PMM2: variants seen among roughly 807,000 people sequenced by gnomAD.
The protein encoded by PMM2 is mannose-6-phosphate isomerase.
PMM2 carries 35 observed loss-of-function variants against 33.2 expected under a neutral mutation model. The ratio of observed to expected loss-of-function variants is 1.06; its 90% CI spans 0.81 to 1.40. PMM2 has a LOEUF of 1.40. PMM2 is among the 40% of genes most tolerant of loss of function. The pLI is 0.00. For synonymous variants in PMM2, 153 were observed against 114.7 expected, an observed-to-expected ratio of 1.33 and a Z score of -2.13; for missense variants, 386 against 306.0, an observed-to-expected ratio of 1.26 and a Z score of -1.95.
intron 7 of PMM2, among the ~76,000 whole-genome samples, chr16:8,836,774 G>GT (rs1416426172): frequency 1.3e-5 from 2 of 152,034 alleles, no homozygotes; most frequent in African/African-American, 4.8e-5. Flanking sequence ...GCTGTAAAGC[G>GT]TGTCAGGGTT....
intron 7 of PMM2, among the ~76,000 whole-genome samples, chr16:8,839,312 G>A (rs920624002): frequency 6.6e-6 from 1 of 151,972 alleles, no homozygotes; most frequent in African/African-American, 2.4e-5. Context: ...GAGACCTTGT[G>A]CGAGGCAAAA....
At position 8,848,072 on chromosome 16, in the gene PMM2, AGCCCC is replaced by A; in HGVS notation, c.*248_*252del. ...CAAAAGGTCTTCCCCACCCACCCCC[AGCCCC>A]CTAGTCTAATACCCACCCTGATACG... On this transcript the variant is annotated 3_prime_UTR_variant, in exon 8 of 8. Coordinates refer to ENST00000268261, the MANE Select transcript of PMM2 (RefSeq NM_000303.3). 2.2e-6 allele frequency: 1 copy of A among 451,176 alleles called. No individual in the cohort carries two copies. The highest frequency in any genetic ancestry group is 3.9e-6 in the Non-Finnish European group (1 of 259,372). 27.9% of individuals were successfully genotyped at this position (451,176 alleles called of 1,614,324 possible). A position where few individuals can be genotyped will look rare whatever the true frequency, so the allele number is the denominator to read the frequency against.
At chr16:8,800,675 T>TG (rs202006606) in intron 1 of PMM2, among the ~76,000 whole-genome samples, 3,228 of 151,394 alleles carry the variant, frequency 0.021, 108 homozygotes, top group African/African-American at 0.073. Flanking sequence ...CTTTTTTTTT[T>TG]TTTTTTGTTT....
intron 7 of PMM2, among the ~76,000 whole-genome samples, chr16:8,834,863 T>G (rs551636943): frequency 1.3e-5 from 2 of 151,860 alleles, no homozygotes; most frequent in South Asian, 2.1e-4. Flanking sequence ...ATCAGAGAGA[T>G]ACAGTCATGG....
chr16:8,818,470 T>A (rs1447654843), intron 7 of PMM2, among the ~76,000 whole-genome samples: 3 of 152,254 alleles, frequency 2.0e-5, no homozygotes, highest in African/African-American at 7.2e-5. Flanking sequence ...ATACTAGCCT[T>A]ACACTTTGCA....
At chr16:8,805,670 G>A (rs1162296172) in intron 3 of PMM2, among the ~76,000 whole-genome samples, 1 of 150,920 alleles carries the variant, frequency 6.6e-6, no homozygotes, top group East Asian at 1.9e-4. Flanking sequence ...CTGGCTCACT[G>A]TAACCTCTGC....
At chr16:8,821,155 C>T (rs2060737296) in intron 7 of PMM2, among the ~76,000 whole-genome samples, 1 of 152,184 alleles carries the variant, frequency 6.6e-6, no homozygotes, top group Non-Finnish European at 1.5e-5. Context: ...TGGTGGCAGA[C>T]TTAGCTTCTT....
intron 7 of PMM2, among the ~76,000 whole-genome samples, chr16:8,846,163 A>T (rs2060924512): frequency 6.6e-6 from 1 of 152,246 alleles, no homozygotes; most frequent in Non-Finnish European, 1.5e-5. Context: ...GGGCCCAGCG[A>T]CGTTCCCTCC....
chr16:8,842,366 A>G (rs2060896176), intron 7 of PMM2: 1 of 152,250 alleles, frequency 6.6e-6, no homozygotes, highest in South Asian at 2.1e-4. Flanking sequence ...AAGGTCATCA[A>G]TATATTAAAT....
chr16:8,837,071 G>T (rs1218329311), intron 7 of PMM2, among the ~76,000 whole-genome samples: 1 of 152,030 alleles, frequency 6.6e-6, no homozygotes, highest in African/African-American at 2.4e-5. Flanking sequence ...AGGAGGAGAG[G>T]TCAGATGGGT....
intron 4 of PMM2, among the ~76,000 whole-genome samples, chr16:8,807,399 C>T (rs981673791): frequency 1.2e-4 from 18 of 152,172 alleles, no homozygotes; most frequent in Admixed American, 1.3e-4. Context: ...CGGCAGGTGC[C>T]ACCTGAGCAG....
chr16:8,812,993 G>A lies in PMM2; in HGVS notation c.526G>A (p.Gly176Ser), dbSNP rs1156500366. 6.3e-7 allele frequency: 1 copy of A among 1,595,774 alleles called. No individual in the cohort carries two copies. The highest frequency in any genetic ancestry group is 8.6e-7 in the Non-Finnish European group (1 of 1,163,146). ...AGKGLTFSIGGQISFDVFPDG... is the reference protein window; with the variant it reads ...AGKGLTFSIGSQISFDVFPDG... Reference sequence around the variant, plus strand: ...TGTGCCCCGTCCCCACCCGGCAGGAGGCCAGATCAGCTTTGATGTCTTTCC... The same window carrying A: ...TGTGCCCCGTCCCCACCCGGCAGGAAGCCAGATCAGCTTTGATGTCTTTCC... The change falls in exon 7 of 8, where the codon GGC becomes AGC. Residue 176 changes from glycine to serine, a missense_variant and splice_region_variant. Gly to Ser is a moderately conservative substitution (Grantham distance 56, BLOSUM62 0). Transcript: ENST00000268261.
rs557567680 is a variant in PMM2 at position 8,823,446 on chromosome 16, G to GA, written c.639+10343dup. On this transcript the variant is annotated intron_variant, in intron 7 of 7. Coordinates refer to ENST00000268261, the MANE Select transcript of PMM2 (RefSeq NM_000303.3). The stretch of plus-strand genomic sequence containing the variant: ...ACAGCAGGGTGTATCATAGTTTTTT[G>GA]AAACACTTTTTTCCCTCTCCCATCC... Among the ~76,000 whole-genome samples, 179 of 152,230 alleles carry GA rather than the reference G, an allele frequency of 1.2e-3. 3 individuals are homozygous for GA. The East Asian group carries it at 0.026, about 22-fold the overall frequency.
chr16:8,808,177 C>T (rs1037060342), intron 4 of PMM2: 1 of 152,100 alleles, frequency 6.6e-6, no homozygotes, highest in African/African-American at 2.4e-5. Flanking sequence ...GTCCCTTAGC[C>T]GAGGGGGAGG....
At chr16:8,815,043 C>G (rs2060699213) in intron 7 of PMM2, among the ~76,000 whole-genome samples, 1 of 152,112 alleles carries the variant, frequency 6.6e-6, no homozygotes, top group Admixed American at 6.6e-5. Flanking sequence ...GCTTATATGA[C>G]TTTAGCACCT....
At chr16:8,817,905 G>GT (rs1567162082) in intron 7 of PMM2, among the ~76,000 whole-genome samples, 5 of 74,070 alleles carry the variant, frequency 6.8e-5, no homozygotes, top group East Asian at 5.4e-4. Flanking sequence ...TTGCAAAGAA[G>GT]ATTTTTTTTT....
At chr16:8,828,931 G>A (rs2060793552) in intron 7 of PMM2, among the ~76,000 whole-genome samples, 1 of 152,220 alleles carries the variant, frequency 6.6e-6, no homozygotes, top group Non-Finnish European at 1.5e-5. Context: ...GAGAGAGGAT[G>A]TGTGATTCAT....
chr16:8,837,298 A>G (rs1205045652), intron 7 of PMM2, among the ~76,000 whole-genome samples: 1 of 152,064 alleles, frequency 6.6e-6, no homozygotes, highest in Non-Finnish European at 1.5e-5. Context: ...GGAAAAACTG[A>G]AAGTGCCGTT....
chr16:8,847,649 G>GGACT, intron 7 of PMM2, 75 bp from the exon 8 acceptor site: 1 of 1,079,270 alleles, frequency 9.3e-7, no homozygotes, highest in Non-Finnish European at 1.4e-6. Context: ...GGGTACTTTT[G>GGACT]GACTCCAGGG....
Sources: allele counts gnomAD v4.1 joint callset (sites outside exome capture counted in the v4.1 genomes callset), GRCh38; gene constraint gnomAD v4.1.1; transcripts MANE v1.5; gene names NCBI Gene and HGNC (gene_info 2026-07-23, HGNC 2026-07-21).